Variants in PCCB observed in about 807,000 individuals in gnomAD.
PCCB encodes the protein propionyl-CoA carboxylase subunit beta.
Under a neutral mutation model 60.7 loss-of-function variants are expected in PCCB, and 43 were observed. The observed-to-expected ratio is 0.71, with a 90% CI of 0.55 to 0.91. The LOEUF (loss-of-function observed/expected upper bound fraction) is 0.91, where lower values mean the gene tolerates loss of function less well. PCCB is among the 40% of genes least tolerant of loss of function. The pLI is 0.00. For synonymous variants in PCCB, 276 were observed against 255.9 expected, an observed-to-expected ratio of 1.08 and a Z score of -0.75; for missense variants, 766 against 702.8, an observed-to-expected ratio of 1.09 and a Z score of -1.02.
At chr3:136,287,540 C>T (rs78668527) in intron 6 of PCCB, among the ~76,000 whole-genome samples, 1 of 151,864 alleles carries the variant, frequency 6.6e-6, no homozygotes, top group Non-Finnish European at 1.5e-5. Flanking sequence ...TTAAGTGATT[C>T]TCACACCTCA....
intron 6 of PCCB, among the ~76,000 whole-genome samples, chr3:136,288,381 T>A (rs116921148): frequency 0.012 from 1,754 of 152,276 alleles, 32 homozygotes; most frequent in East Asian, 0.047. Context: ...AGTCTCCCCC[T>A]CTCACCCAGG....
Position 136,283,961 on chromosome 3 carries a change from G to T in PCCB, c.654+14G>T, listed in dbSNP as rs1457950469. ...TTCATGGTAAAGGTAAGAAAGAAGG[G>T]CCTGTTTTTGGTGCCGTTTGAGATT... On this transcript the variant is annotated intron_variant, in intron 6 of 14. Coordinates refer to ENST00000251654, the MANE Select transcript of PCCB (RefSeq NM_000532.5). The T allele has an allele frequency of 2.0e-5, 31 of 1,530,710 alleles. No individual in the cohort carries two copies. Among genetic ancestry groups the T allele is most frequent in the Middle Eastern group, 1.8e-4 (1 of 5,576 alleles). 94.8% of individuals were successfully genotyped at this position (1,530,710 alleles called of 1,614,324 possible). A position where few individuals can be genotyped will look rare whatever the true frequency, so the allele number is the denominator to read the frequency against.
intron 6 of PCCB, among the ~76,000 whole-genome samples, chr3:136,285,354 T>A (rs1361613046): frequency 6.6e-6 from 1 of 152,148 alleles, no homozygotes; most frequent in Non-Finnish European, 1.5e-5. Context: ...CCTTTTCTCC[T>A]TTCTCTTTAG....
rs796052026 is a variant in PCCB at position 136,327,718 on chromosome 3, G to A, written c.1384G>A (p.Val462Ile). The part of the protein sequence containing the change: ...NYAWPTAEIA[V>I]MGAKGAVEII... ...TGCCTGGCCCACCGCAGAGATTGCA[G>A]TCATGGGAGCAAAGGTGAGGGCCTC... The change falls in exon 13 of 15, where the codon GTC becomes ATC. Residue 462 changes from valine to isoleucine, a missense_variant. Coordinates refer to ENST00000251654, the MANE Select transcript of PCCB (RefSeq NM_000532.5). 5 of 1,613,536 alleles carry A rather than the reference G, an allele frequency of 3.1e-6. No individual in the cohort carries two copies. Among genetic ancestry groups the A allele is most frequent in the Non-Finnish European group, 4.2e-6 (5 of 1,179,676 alleles).
chr3:136,260,383 A>T, intron 3 of PCCB, 96 bp from the exon 4 acceptor site: 2 of 1,074,782 alleles, frequency 1.9e-6, no homozygotes, highest in Non-Finnish European at 2.8e-6. Flanking sequence ...TGGCCTAAAA[A>T]CTTTTATCTG....
At chr3:136,294,226 A>G (rs1933834759) in intron 7 of PCCB, among the ~76,000 whole-genome samples, 1 of 152,300 alleles carries the variant, frequency 6.6e-6, no homozygotes, top group East Asian at 1.9e-4. Flanking sequence ...AGGTTGGTAT[A>G]TATCTTAGAG....
chr3:136,308,144 A>G (rs1485087321), intron 9 of PCCB, among the ~76,000 whole-genome samples: 3 of 152,144 alleles, frequency 2.0e-5, no homozygotes, highest in Admixed American at 6.6e-5. Flanking sequence ...GGGCAGAAAT[A>G]TACTGGGAGA....
intron 5 of PCCB, among the ~76,000 whole-genome samples, chr3:136,280,439 A>G (rs1463979851): frequency 2.0e-5 from 3 of 152,114 alleles, no homozygotes; most frequent in Non-Finnish European, 2.9e-5. Context: ...TCTGCCTGCC[A>G]GGCTCAAATG....
intron 7 of PCCB, among the ~76,000 whole-genome samples, chr3:136,294,494 A>G (rs1401149924): frequency 1.3e-5 from 2 of 150,512 alleles, no homozygotes; most frequent in East Asian, 3.9e-4. Flanking sequence ...TTTTTTTTGT[A>G]GAGATGGGGT....
chr3:136,329,392 C>T (rs563966383), intron 14 of PCCB, among the ~76,000 whole-genome samples: 8 of 152,192 alleles, frequency 5.3e-5, no homozygotes, highest in East Asian at 1.9e-4. Context: ...CATGGTGTCC[C>T]GAGAGTAGCA....
intron 6 of PCCB, among the ~76,000 whole-genome samples, chr3:136,288,937 G>A (rs1187682410): frequency 6.6e-6 from 1 of 152,108 alleles, no homozygotes; most frequent in Non-Finnish European, 1.5e-5. Context: ...TGAGTAGCTG[G>A]GACTATAGGT....
chr3:136,294,798 T>G (rs1345113119), intron 7 of PCCB, among the ~76,000 whole-genome samples: 1 of 151,966 alleles, frequency 6.6e-6, no homozygotes, highest in Non-Finnish European at 1.5e-5. Flanking sequence ...AATATTTTTT[T>G]GTAGAGATGT....
chr3:136,281,026 G>C (rs1942461802), intron 5 of PCCB, among the ~76,000 whole-genome samples: 1 of 152,152 alleles, frequency 6.6e-6, no homozygotes, highest in African/African-American at 2.4e-5. Flanking sequence ...AGTTGCATGG[G>C]ATCAGTTGCT....
intron 8 of PCCB, among the ~76,000 whole-genome samples, chr3:136,299,800 GTA>G (rs1436368157): frequency 5.3e-5 from 8 of 151,258 alleles, no homozygotes; most frequent in South Asian, 2.1e-4. Flanking sequence ...ATATGCATGT[GTA>G]TGTATAGGTA....
At chr3:136,268,102 A>ATATATATATATATG (rs1942076030) in intron 5 of PCCB, among the ~76,000 whole-genome samples, 1 of 117,622 alleles carries the variant, frequency 8.5e-6, no homozygotes, top group Admixed American at 9.2e-5. Context: ...ATATATATAT[A>ATATATATATATATG]TATATATATA....
chr3:136,274,070 T>C (rs1308006342), intron 5 of PCCB, among the ~76,000 whole-genome samples: 5 of 152,092 alleles, frequency 3.3e-5, no homozygotes, highest in Admixed American at 1.3e-4. Flanking sequence ...GTTTGTGATT[T>C]TTTAAAAATC....
At chr3:136,270,365 C>T (rs772069931) in intron 5 of PCCB, among the ~76,000 whole-genome samples, 1 of 152,152 alleles carries the variant, frequency 6.6e-6, no homozygotes. Context: ...CAGTAATTCT[C>T]ACCTCATAGA....
intron 5 of PCCB, among the ~76,000 whole-genome samples, chr3:136,268,112 A>ATG (rs1560002558): frequency 2.3e-5 from 3 of 132,494 alleles, no homozygotes; most frequent in East Asian, 2.1e-4. Flanking sequence ...ATATATATAT[A>ATG]TATATATATG....
rs111033542 is a variant in PCCB, at chr3:136,327,239, C to T, written c.1283C>T (p.Thr428Ile). Residue 428 changes from threonine to isoleucine, a missense_variant, in exon 12 of 15, where the codon ACA (threonine) becomes ATA (isoleucine). By Grantham distance (89) the Thr-to-Ile change is moderately conservative (BLOSUM62 -1). Coordinates refer to ENST00000251654, the MANE Select transcript of PCCB (RefSeq NM_000532.5). Reference protein sequence around the residue: ...AFAEATVPKVTVITRKAYGGA... With the variant: ...AFAEATVPKVIVITRKAYGGA... ...GCTGAGGCAACTGTACCCAAAGTCA[C>T]AGTCATCACCAGGAAGGTGAGGACC... is the stretch of plus-strand genomic sequence containing the variant. The T allele has an allele frequency of 1.4e-5, 23 of 1,613,740 alleles. No homozygotes were observed. The highest frequency in any genetic ancestry group is 1.3e-4 in the East Asian group (6 of 44,882).
Sources: allele counts gnomAD v4.1 joint callset (sites outside exome capture counted in the v4.1 genomes callset), GRCh38; gene constraint gnomAD v4.1.1; transcripts MANE v1.5; gene names NCBI Gene and HGNC (gene_info 2026-07-23, HGNC 2026-07-21).